CDKAL1: variants seen among roughly 807,000 people sequenced by gnomAD.
CDKAL1 encodes CDKAL1 threonylcarbamoyladenosine tRNA methylthiotransferase.
CDKAL1 carries 32 observed loss-of-function variants against 68.2 expected under a neutral mutation model. That is an observed-to-expected ratio of 0.47 (90% CI 0.35 to 0.63). CDKAL1 has a LOEUF of 0.63. Ranked by LOEUF, CDKAL1 falls within the 30% of genes least tolerant of loss-of-function variation. The pLI is 0.00. For missense variants in CDKAL1, 606 were observed against 696.7 expected (o/e 0.87, Z 1.47); for synonymous variants, 234 against 244.3 (o/e 0.96, Z 0.39).
chr6:20,939,514 A>C (rs571704382), intron 9 of CDKAL1, among the ~76,000 whole-genome samples: 1 of 152,324 alleles, frequency 6.6e-6, no homozygotes, highest in Admixed American at 6.5e-5. Flanking sequence ...TGGCAGACTT[A>C]ATAGAGGTAA....
At chr6:20,930,729 G>GT (rs770368482) in intron 9 of CDKAL1, among the ~76,000 whole-genome samples, 40 of 146,662 alleles carry the variant, frequency 2.7e-4, no homozygotes, top group Non-Finnish European at 5.1e-4. Context: ...ACTTTATGAG[G>GT]TACAGGTATT....
chr6:20,785,656 CT>C (rs1332162796), intron 8 of CDKAL1, among the ~76,000 whole-genome samples: 1 of 151,998 alleles, frequency 6.6e-6, no homozygotes, highest in Admixed American at 6.6e-5. Context: ...CTTTTTTTCA[CT>C]TACTTTTAAA....
At chr6:21,003,055 G>A (rs1413583767) in intron 11 of CDKAL1, among the ~76,000 whole-genome samples, 1 of 151,842 alleles carries the variant, frequency 6.6e-6, no homozygotes, top group Non-Finnish European at 1.5e-5. Flanking sequence ...TGTGTATTTT[G>A]TCTAGTCCAT....
At chr6:20,834,972 CT>C (rs1777868481) in intron 8 of CDKAL1, among the ~76,000 whole-genome samples, 3 of 152,126 alleles carry the variant, frequency 2.0e-5, no homozygotes, top group Admixed American at 6.6e-5. Context: ...AAGCAATGTG[CT>C]ATTGACACAC....
chr6:20,876,203 A>G (rs1384131049), intron 9 of CDKAL1, among the ~76,000 whole-genome samples: 2 of 152,248 alleles, frequency 1.3e-5, no homozygotes, highest in African/African-American at 4.8e-5. Context: ...TTCTGCTGAT[A>G]AATATAAGAA....
intron 2 of CDKAL1, among the ~76,000 whole-genome samples, chr6:20,541,576 T>G (rs1207457019): frequency 6.6e-6 from 1 of 152,192 alleles, no homozygotes; most frequent in Non-Finnish European, 1.5e-5. Context: ...GAACTGGTCA[T>G]TGTGGCCAGG....
At chr6:21,066,995 C>T (rs1771483790) in intron 12 of CDKAL1, among the ~76,000 whole-genome samples, 1 of 152,216 alleles carries the variant, frequency 6.6e-6, no homozygotes, top group Non-Finnish European at 1.5e-5. Flanking sequence ...AACTACTGAT[C>T]TGTTTTCTGT....
At chr6:21,005,875 T>C (rs1440782752) in intron 11 of CDKAL1, among the ~76,000 whole-genome samples, 1 of 152,134 alleles carries the variant, frequency 6.6e-6, no homozygotes, top group East Asian at 1.9e-4. Flanking sequence ...AGGGGAATCT[T>C]TTGCAGGGCG....
chr6:21,030,672 C>T (rs1192798810), intron 11 of CDKAL1, among the ~76,000 whole-genome samples: 3 of 152,050 alleles, frequency 2.0e-5, no homozygotes, highest in Admixed American at 6.5e-5. Context: ...TCTCTTCTTT[C>T]GATGCTTTCT....
chr6:20,938,248 A>AT (rs1013579927), intron 9 of CDKAL1, among the ~76,000 whole-genome samples: 29 of 151,906 alleles, frequency 1.9e-4, no homozygotes, highest in African/African-American at 6.5e-4. Context: ...TGCCCTCATA[A>AT]TTTTTTTTAG....
intron 10 of CDKAL1, among the ~76,000 whole-genome samples, chr6:20,978,047 T>G (rs1209070170): frequency 6.6e-6 from 1 of 152,200 alleles, no homozygotes; most frequent in Non-Finnish European, 1.5e-5. Flanking sequence ...CTACTCAAAT[T>G]TTGATATAGG....
chr6:20,626,191 C>CA (rs1767425148), intron 4 of CDKAL1, among the ~76,000 whole-genome samples: 1 of 151,840 alleles, frequency 6.6e-6, no homozygotes. Flanking sequence ...TCTTTTTTTC[C>CA]AATGCCTCTG....
Position 20,929,019 on chromosome 6 carries a change from T to C in CDKAL1, c.743-26400T>C, listed in dbSNP as rs72657619. Among the ~76,000 whole-genome samples the C allele has an allele frequency of 0.02, 3,115 of 152,304 alleles. 200 individuals carry two copies. The East Asian group carries it at 0.26, about 13-fold the overall frequency. On this transcript the variant is annotated intron_variant, in intron 9 of 15. Transcript: ENST00000274695. ...ATGATATCTATAAAGCCAGCCAATA[T>C]TAATTACATCTTCAAGTGAAAGTAC...
chr6:21,109,158 C>T (rs572560353), intron 13 of CDKAL1, among the ~76,000 whole-genome samples: 2 of 152,282 alleles, frequency 1.3e-5, no homozygotes, highest in Admixed American at 1.3e-4. Context: ...AAATGCTTAA[C>T]TCCACATCTT....
chr6:20,849,928 A>T (rs1758919765), intron 9 of CDKAL1, among the ~76,000 whole-genome samples: 1 of 152,186 alleles, frequency 6.6e-6, no homozygotes, highest in Non-Finnish European at 1.5e-5. Flanking sequence ...TTTCTGCAAA[A>T]GACATTGAGA....
intron 4 of CDKAL1, among the ~76,000 whole-genome samples, chr6:20,616,839 C>CCACACACACACA (rs756883799): frequency 0.084 from 10,222 of 121,170 alleles, 552 homozygotes; most frequent in Non-Finnish European, 0.094. Context: ...CCCGACTCTA[C>CCACACACACACA]CACACACACA....
chr6:20,901,379 G>T (rs948428390), intron 9 of CDKAL1, among the ~76,000 whole-genome samples: 1 of 151,894 alleles, frequency 6.6e-6, no homozygotes, highest in Non-Finnish European at 1.5e-5. Context: ...CTCAGATTAA[G>T]AAACAGCTTT....
chr6:21,162,753 T>C (rs1241402655), intron 13 of CDKAL1, among the ~76,000 whole-genome samples: 1 of 151,268 alleles, frequency 6.6e-6, no homozygotes, highest in Non-Finnish European at 1.5e-5. Flanking sequence ...AGCAAGACCT[T>C]GTCTCTAAAA....
At chr6:20,785,115 A>G (rs1450307744) in intron 8 of CDKAL1, among the ~76,000 whole-genome samples, 1 of 151,326 alleles carries the variant, frequency 6.6e-6, no homozygotes, top group Non-Finnish European at 1.5e-5. Context: ...TCCTCGGTAC[A>G]TTAGCAAATA....
Sources: allele counts gnomAD v4.1 joint callset (sites outside exome capture counted in the v4.1 genomes callset), GRCh38; gene constraint gnomAD v4.1.1; transcripts MANE v1.5; gene names NCBI Gene and HGNC (gene_info 2026-07-23, HGNC 2026-07-21).